F11: variants seen among roughly 807,000 people sequenced by gnomAD.
F11 encodes the protein coagulation factor XI.
In F11, 78 loss-of-function variants were observed where a neutral mutation model predicts 76.5. That is an observed-to-expected ratio of 1.02 (90% CI 0.85 to 1.23). The LOEUF (loss-of-function observed/expected upper bound fraction) is 1.23, where lower values mean the gene tolerates loss of function less well. Among genes scored for constraint, F11 ranks in the 50% most tolerant of loss-of-function variants. The probability of loss-of-function intolerance (pLI) is 0.00; values close to 1 mark genes in which losing one functional copy is unlikely to be tolerated. For missense variants in F11, 742 were observed against 771.4 expected (o/e 0.96, Z 0.45); for synonymous variants, 278 against 276.3 (o/e 1.01, Z -0.06).
intron 1 of F11, 105 bp from the exon 2 acceptor site, chr4:186,267,031 T>C (rs189465530): frequency 2.2e-5 from 17 of 767,516 alleles, no homozygotes; most frequent in East Asian, 1.8e-4. Context: ...GCTATTGAAT[T>C]AACTACTCCC....
Position 186,276,360 on chromosome 4 carries a change from T to C in F11, c.725T>C (p.Phe242Ser). ...CCCGGTTGCTTGTTTTTTACCTTCTTTTCCCAGGAATGGCCCAAAGAATCT... is the reference window on the plus strand; with the variant it reads ...CCCGGTTGCTTGTTTTTTACCTTCTCTTCCCAGGAATGGCCCAAAGAATCT... The part of the protein sequence containing the change: ...HHPGCLFFTF[F>S]SQEWPKESQR... The change falls in exon 7 of 15, where the codon TTT becomes TCT. Residue 242 changes from phenylalanine to serine, a missense_variant. Transcript: ENST00000403665. 1 of 1,614,100 alleles carries C rather than the reference T, an allele frequency of 6.2e-7. No homozygotes were observed. The highest frequency in any genetic ancestry group is 8.5e-7 in the Non-Finnish European group (1 of 1,180,026).
rs202207102 is a variant in F11, at chr4:186,281,190, G to GC, written c.1135+612dup. On this transcript the variant is annotated intron_variant, in intron 10 of 14. Coordinates refer to ENST00000403665, the MANE Select transcript of F11 (RefSeq NM_000128.4). ...CATTTCCTAATGAGACCCAGACTCT[G>GC]CCAACACTCCTGTTATCAAGGCCAG... 2.1e-3 allele frequency among the ~76,000 whole-genome samples: 316 copies of GC among 152,242 alleles called. 9 individuals are homozygous for GC. The East Asian group carries it at 0.034, about 16-fold the overall frequency.
At chr4:186,284,966 A>AGG (rs1244731076) in intron 11 of F11, among the ~76,000 whole-genome samples, 1 of 152,112 alleles carries the variant, frequency 6.6e-6, no homozygotes, top group Admixed American at 6.5e-5. Context: ...AATAAATAAA[A>AGG]TACAGAACGA....
At position 186,280,254 on chromosome 4, in the gene F11, T is replaced by G; in HGVS notation, c.897T>G (p.Thr299=). Residue 299 remains threonine, a synonymous_variant, in exon 9 of 15, where the codon ACT becomes ACG. Transcript: ENST00000403665. ...VFCHSSFYHD[T]DFLGEELDIV... ...GCCATTCTTCATTTTACCATGACAC[T>G]GATTTCTTGGGAGAAGAACTGGATA... The G allele has an allele frequency of 6.2e-7, 1 of 1,614,204 alleles. No homozygotes were observed. Among genetic ancestry groups the G allele is most frequent in the Non-Finnish European group, 8.5e-7 (1 of 1,180,048 alleles).
At chr4:186,283,946 G>A (rs1020813677) in intron 10 of F11, 146 bp from the exon 11 acceptor site, 5 of 1,266,648 alleles carry the variant, frequency 3.9e-6, no homozygotes, top group Admixed American at 3.9e-5. Flanking sequence ...GTTTTGCTTT[G>A]GCAGCTTGAT....
intron 12 of F11, chr4:186,286,189 T>A: frequency 1.8e-6 from 1 of 543,482 alleles, no homozygotes; most frequent in Non-Finnish European, 3.3e-6. Flanking sequence ...GTGAGTTGGA[T>A]GAGGAGTTAG....
chr4:186,283,371 T>A (rs12503530), intron 10 of F11, among the ~76,000 whole-genome samples: 10,398 of 151,780 alleles, frequency 0.069, 460 homozygotes, highest in African/African-American at 0.11. Flanking sequence ...TAAGTAGAAA[T>A]AGAGGGCACT....
At chr4:186,268,338 A>C (rs925830310) in intron 2 of F11, among the ~76,000 whole-genome samples, 4 of 152,174 alleles carry the variant, frequency 2.6e-5, no homozygotes, top group Non-Finnish European at 5.9e-5. Flanking sequence ...CAGGGACTTG[A>C]GCGTTCATGG....
intron 2 of F11, among the ~76,000 whole-genome samples, chr4:186,270,998 G>T (rs182990079): frequency 2.0e-5 from 3 of 151,846 alleles, no homozygotes; most frequent in African/African-American, 7.2e-5. Flanking sequence ...GAGCCACTGC[G>T]CCCACTCCGC....
chr4:186,276,574 C>T (rs980922426), intron 7 of F11, among the ~76,000 whole-genome samples, 184 bp downstream of exon 7: 6 of 146,286 alleles, frequency 4.1e-5, no homozygotes, highest in South Asian at 4.3e-4. Flanking sequence ...CCAACATTAC[C>T]GAGGACTCTT....
intron 2 of F11, 109 bp downstream of exon 2, chr4:186,267,300 T>C: frequency 1.2e-6 from 1 of 834,096 alleles, no homozygotes; most frequent in East Asian, 2.4e-5. Flanking sequence ...AAATAAAATG[T>C]TTTTATTAAC....
chr4:186,286,774 A>T, intron 13 of F11: 2 of 914,370 alleles, frequency 2.2e-6, no homozygotes, highest in Non-Finnish European at 2.6e-6. Flanking sequence ...CTTTTCAGTA[A>T]ATGTTCTAGC....
intron 12 of F11, 28 bp from the exon 13 acceptor site, chr4:186,286,387 T>C (rs1741208218): frequency 1.3e-6 from 2 of 1,587,628 alleles, no homozygotes; most frequent in South Asian, 2.2e-5. Flanking sequence ...TTGCGTCTCA[T>C]ATTTAAACCA....
downstream of F11, among the ~76,000 whole-genome samples, chr4:186,289,682 ATTTT>A (rs11444909): frequency 3.2e-4 from 44 of 137,740 alleles, no homozygotes; most frequent in South Asian, 4.7e-4. Flanking sequence ...ATCAAGTGTG[ATTTT>A]TTTTTTTTTT....
At chr4:186,285,887 G>T (rs1741177049) in intron 12 of F11, 74 bp downstream of exon 12, 1 of 1,495,194 alleles carries the variant, frequency 6.7e-7, no homozygotes, top group Non-Finnish European at 9.3e-7. Context: ...CTAGACTTAC[G>T]GCCTGACCCT....
At position 186,289,677 on chromosome 4, in the gene F11, G is replaced by A. The variant is rs868009548; in HGVS notation, c.*1063G>A. Among the ~76,000 whole-genome samples the A allele has an allele frequency of 2.2e-4, 27 of 122,770 alleles. No individual in the cohort carries two copies. The highest frequency in any genetic ancestry group is 8.4e-4 in the African/African-American group (26 of 31,004). 80.5% of individuals were successfully genotyped at this position (122,770 alleles called of 152,430 possible). On this transcript the variant is annotated 3_prime_UTR_variant, in exon 15 of 15. Coordinates refer to ENST00000403665, the MANE Select transcript of F11 (RefSeq NM_000128.4). ...TGCCAACAACTATACAATTCATCAA[G>A]TGTGATTTTTTTTTTTTTTTTTTGA...
In F11 at chr4:186,276,368, G is replaced by A. The variant is rs762813060; in HGVS notation, c.733G>A (p.Glu245Lys). Residue 245 changes from glutamate to lysine, a missense_variant, in exon 7 of 15, where the codon GAA becomes AAA. Physicochemically the swap from Glu to Lys is moderately conservative, Grantham distance 56 (BLOSUM62 1). Transcript: ENST00000403665. ...CTTGTTTTTTACCTTCTTTTCCCAG[G>A]AATGGCCCAAAGAATCTCAAAGGTA... ...GCLFFTFFSQ[E>K]WPKESQRNLC... 6.2e-7 allele frequency: 1 copy of A among 1,613,996 alleles called. No homozygotes were observed. The highest frequency in any genetic ancestry group is 1.1e-5 in the South Asian group (1 of 91,070).
At chr4:186,286,833 T>C in intron 13 of F11, 1 of 511,448 alleles carries the variant, frequency 2.0e-6, no homozygotes, top group Non-Finnish European at 2.5e-6. Context: ...AGAGTCATAA[T>C]TAATTTTTGA....
At position 186,288,458 on chromosome 4, in the gene F11, T is replaced by A; in HGVS notation, c.1722T>A (p.Asp574Glu). Residue 574 changes from aspartate to glutamate, a missense_variant, in exon 15 of 15, where the codon GAT (aspartate) becomes GAA (glutamate). Asp to Glu is a conservative substitution (Grantham distance 45). Coordinates refer to ENST00000403665, the MANE Select transcript of F11 (RefSeq NM_000128.4). ...CTTGTCTCCCCTCGTTCTAGGGAGA[T>A]TCGGGAGGCCCTCTGTCCTGCAAAC... ...REGGKDACKG[D>E]SGGPLSCKHN... The A allele has an allele frequency of 6.2e-7, 1 of 1,614,070 alleles. No individual in the cohort carries two copies. The highest frequency in any genetic ancestry group is 8.5e-7 in the Non-Finnish European group (1 of 1,179,970).
Sources: allele counts gnomAD v4.1 joint callset (sites outside exome capture counted in the v4.1 genomes callset), GRCh38; gene constraint gnomAD v4.1.1; transcripts MANE v1.5; gene names NCBI Gene and HGNC (gene_info 2026-07-23, HGNC 2026-07-21).